HMCN2: variants seen among roughly 807,000 people sequenced by gnomAD.
HMCN2 encodes hemicentin 2, also known as hemicentin-2.
HMCN2 carries 325 observed loss-of-function variants against 377.5 expected under a neutral mutation model. That is an observed-to-expected ratio of 0.86 (90% CI 0.79 to 0.94). The LOEUF is 0.94. Among genes scored for constraint, HMCN2 ranks in the 40% least tolerant of loss-of-function variants. The pLI is 0.00. For missense variants in HMCN2, 4,543 were observed against 4,725.3 expected, an observed-to-expected ratio of 0.96 and a Z score of 1.13; for synonymous variants, 2,007 against 2,046.8, an observed-to-expected ratio of 0.98 and a Z score of 0.53.
chr9:130,377,946 G>A (rs912175262), intron 53 of HMCN2, 147 bp downstream of exon 53: 6 of 558,784 alleles, frequency 1.1e-5, no homozygotes, highest in African/African-American at 2.0e-5. Context: ...AGCCCAGAAC[G>A]GCACCCTGCC....
chr9:130,293,903 G>C (rs981861319), intron 4 of HMCN2, among the ~76,000 whole-genome samples: 2 of 152,124 alleles, frequency 1.3e-5, no homozygotes, highest in South Asian at 4.2e-4. Context: ...TTCAAGCAGC[G>C]AGCTGAAGTA....
chr9:130,386,369 A>T, intron 60 of HMCN2, 74 bp from the exon 61 acceptor site: 1 of 963,642 alleles, frequency 1.0e-6, no homozygotes, highest in Non-Finnish European at 1.4e-6. Flanking sequence ...TTGGGGGCCT[A>T]GATGCTTTTG....
intron 49 of HMCN2, 90 bp downstream of exon 49, chr9:130,374,783 C>T (rs1164913884): frequency 1.8e-6 from 1 of 557,224 alleles, no homozygotes; most frequent in Admixed American, 6.4e-5. Flanking sequence ...TCCCACAAAC[C>T]ATTCTACTAT....
At chr9:130,402,506 C>G (rs1245084393) in intron 77 of HMCN2, among the ~76,000 whole-genome samples, 1 of 152,102 alleles carries the variant, frequency 6.6e-6, no homozygotes, top group East Asian at 1.9e-4. Flanking sequence ...AACTTCACAG[C>G]CTAAAGGGTC....
chr9:130,365,453 G>T (rs755146017), intron 41 of HMCN2, among the ~76,000 whole-genome samples, 178 bp from the exon 42 acceptor site: 1 of 152,236 alleles, frequency 6.6e-6, no homozygotes, highest in African/African-American at 2.4e-5. Context: ...CCACAGGCAC[G>T]TGCTTCTGGA....
intron 19 of HMCN2, among the ~76,000 whole-genome samples, chr9:130,323,682 A>G (rs1837968883): frequency 6.6e-6 from 1 of 150,826 alleles, no homozygotes; most frequent in Non-Finnish European, 1.5e-5. Flanking sequence ...TTATTCTCCC[A>G]TTGAAAGCTT....
In HMCN2 at chr9:130,372,403, G is replaced by T. The variant is rs755064358; in HGVS notation, c.7347G>T (p.Val2449=). ...GEARRNFSVE[V]LVPPSIENED... ...CACGGAGGAACTTCAGTGTGGAGGT[G>T]CTGGGTGCGTTACAACCCCATTCTC... The change falls in exon 47 of 98, where the codon GTG becomes GTT. Residue 2449 remains valine, a synonymous_variant. Coordinates refer to ENST00000683500, the MANE Select transcript of HMCN2 (RefSeq NM_001291815.2). 1.4e-5 allele frequency: 14 copies of T among 984,142 alleles called. No homozygotes were observed. Among genetic ancestry groups the T allele is most frequent in the Middle Eastern group, 5.2e-4 (1 of 1,908 alleles). The allele number at this position is 984,142 out of a possible 1,614,324, so 61.0% of individuals were successfully genotyped here.
intron 85 of HMCN2, among the ~76,000 whole-genome samples, chr9:130,411,135 C>T (rs1294227423): frequency 6.6e-6 from 1 of 151,956 alleles, no homozygotes; most frequent in Non-Finnish European, 1.5e-5. Context: ...AGGACAGTGC[C>T]GGCTCCCAGC....
At chr9:130,345,191 G>A (rs1441421851) in intron 25 of HMCN2, among the ~76,000 whole-genome samples, 3 of 145,336 alleles carry the variant, frequency 2.1e-5, no homozygotes, top group Admixed American at 6.9e-5. Flanking sequence ...TGTGTGTAGT[G>A]TGGTTTGTGG....
At chr9:130,287,318 C>T (rs1469638832) in intron 4 of HMCN2, among the ~76,000 whole-genome samples, 5 of 152,092 alleles carry the variant, frequency 3.3e-5, no homozygotes, top group African/African-American at 7.2e-5. Context: ...CAATGTCCTA[C>T]GCTCCTCCCC....
chr9:130,348,544 G>A lies in HMCN2; in HGVS notation c.4025-1G>A, dbSNP rs1839516184. The A allele has an allele frequency of 1.5e-6, 2 of 1,303,892 alleles. No homozygotes were observed. Among genetic ancestry groups the A allele is most frequent in the Non-Finnish European group, 2.0e-6 (2 of 988,834 alleles). The allele number at this position is 1,303,892 out of a possible 1,614,324, so 80.8% of individuals were successfully genotyped here. ...GCTCCTCGGCTCTCCTTGCCCCCAAGTGCCCCCCAGCATCCGGGAGGACGG... is the reference window on the plus strand; with the variant it reads ...GCTCCTCGGCTCTCCTTGCCCCCAAATGCCCCCCAGCATCCGGGAGGACGG... On this transcript the variant is annotated splice_acceptor_variant, in intron 26 of 97. Coordinates refer to ENST00000683500, the MANE Select transcript of HMCN2 (RefSeq NM_001291815.2). LOFTEE classifies it high-confidence loss of function.
At chr9:130,339,527 C>G (rs1838938917) in intron 23 of HMCN2, among the ~76,000 whole-genome samples, 1 of 152,180 alleles carries the variant, frequency 6.6e-6, no homozygotes, top group African/African-American at 2.4e-5. Context: ...TCAACGTTGA[C>G]AGAGCTGGGT....
intron 1 of HMCN2, among the ~76,000 whole-genome samples, chr9:130,274,067 T>C (rs1294329847): frequency 6.6e-6 from 1 of 151,842 alleles, no homozygotes; most frequent in Non-Finnish European, 1.5e-5. Flanking sequence ...TTTTTTTTTT[T>C]TGAGAGACGG....
chr9:130,298,515 A>C (rs1313848568), intron 7 of HMCN2, among the ~76,000 whole-genome samples: 4 of 152,208 alleles, frequency 2.6e-5, no homozygotes, highest in African/African-American at 9.7e-5. Flanking sequence ...CAGAAAATTT[A>C]AAAAGACATT....
At chr9:130,409,508 C>A (rs950281661) in intron 84 of HMCN2, among the ~76,000 whole-genome samples, 1 of 152,172 alleles carries the variant, frequency 6.6e-6, no homozygotes, top group Non-Finnish European at 1.5e-5. Flanking sequence ...ATCTTAGGGG[C>A]CTTGATCTCA....
At position 130,348,567 on chromosome 9, in the gene HMCN2, C is replaced by T. The variant is rs772343403; in HGVS notation, c.4047C>T (p.Asp1349=). Residue 1349 remains aspartate, a synonymous_variant, in exon 27 of 98, where the codon GAC becomes GAT. Transcript: ENST00000683500. ...VVYVPPSIRE[D]GRKANVSGMA... is the part of the protein sequence containing the mutation. ...AAGTGCCCCCCAGCATCCGGGAGGA[C>T]GGGCGCAAGGCCAACGTGTCGGGTA... The T allele has an allele frequency of 6.7e-5, 87 of 1,304,054 alleles. No individual in the cohort carries two copies. Among genetic ancestry groups the T allele is most frequent in the East Asian group, 1.7e-4 (3 of 18,038 alleles). The allele number at this position is 1,304,054 out of a possible 1,614,324, so 80.8% of individuals were successfully genotyped here. A position where few individuals can be genotyped will look rare whatever the true frequency, so the allele number is the denominator to read the frequency against.
At chr9:130,396,794 G>T (rs1842626876) in intron 73 of HMCN2, among the ~76,000 whole-genome samples, 1 of 152,182 alleles carries the variant, frequency 6.6e-6, no homozygotes, top group Non-Finnish European at 1.5e-5. Flanking sequence ...ATCAACTGTG[G>T]CCAGGGGCGG....
In HMCN2 at chr9:130,423,899, T is replaced by C. The variant is rs1844161588; in HGVS notation, c.13382-877T>C. ...ATATAATGACAGTCTGTGGAGTCCC[T>C]GGCTCCGTGGTGACCCGGGGCCCTC... On this transcript the variant is annotated intron_variant, in intron 87 of 97. Transcript: ENST00000683500. This position sits in a 1 kb window ranked among gnomAD's most constrained non-coding sequence, Gnocchi z 5.5. Among the ~76,000 whole-genome samples the C allele has an allele frequency of 6.6e-6, 1 of 152,226 alleles. No individual in the cohort carries two copies. Among genetic ancestry groups the C allele is most frequent in the South Asian group, 2.1e-4 (1 of 4,834 alleles).
intron 97 of HMCN2, 124 bp downstream of exon 97, chr9:130,432,679 G>A (rs1385762198): frequency 1.3e-5 from 14 of 1,055,974 alleles, no homozygotes; most frequent in Admixed American, 2.3e-5. Flanking sequence ...AACGCACGGA[G>A]CCCTGGGGGC....
Sources: allele counts gnomAD v4.1 joint callset (sites outside exome capture counted in the v4.1 genomes callset), GRCh38; gene constraint gnomAD v4.1.1; non-coding constraint Gnocchi (gnomAD v3.1); transcripts MANE v1.5; gene names NCBI Gene and HGNC (gene_info 2026-07-23, HGNC 2026-07-21).